ACTR6: variants seen among roughly 807,000 people sequenced by gnomAD.
ACTR6 encodes actin-related protein 6.
A neutral mutation model predicts 52.5 loss-of-function variants in ACTR6; 50 were observed. The observed-to-expected ratio is 0.95, with a 90% CI of 0.76 to 1.20. The LOEUF is 1.20. ACTR6 is among the 50% of genes most tolerant of loss of function. The pLI, the probability that ACTR6 is intolerant of heterozygous loss-of-function variation, is 0.00. For synonymous variants in ACTR6, 135 were observed against 147.2 expected, an observed-to-expected ratio of 0.92 and a Z score of 0.60; for missense variants, 344 against 472.4, an observed-to-expected ratio of 0.73 and a Z score of 2.52.
intron 1 of ACTR6, 83 bp from the exon 2 acceptor site, chr12:100,204,857 T>C (rs774224170): frequency 1.8e-4 from 146 of 829,216 alleles, no homozygotes; most frequent in Non-Finnish European, 1.3e-4. Context: ...CGCTAATCTT[T>C]TGGCATCAAG....
intron 2 of ACTR6, 165 bp from the exon 3 acceptor site, chr12:100,205,511 A>AT: frequency 2.4e-6 from 1 of 416,276 alleles, no homozygotes; most frequent in Non-Finnish European, 4.1e-6. Flanking sequence ...TTTTTTTTAA[A>AT]TTAAAAAAAA....
Position 100,218,504 on chromosome 12 carries a change from A to C in ACTR6, c.840A>C (p.Ile280=), listed in dbSNP as rs779447349. ...ATGAGAGATTTGCTGTTCCGGAAAT[A>C]CTCTTTAATCCTTCTGATATAGGCA... The part of the protein sequence containing the change: ...LANERFAVPE[I]LFNPSDIGIQ... The change falls in exon 9 of 11, where the codon ATA becomes ATC. Residue 280 remains isoleucine, a synonymous_variant. Transcript: ENST00000188312. The surrounding 1 kb of genome is among the most constrained non-coding windows in gnomAD (Gnocchi z 4.2). The C allele has an allele frequency of 8.7e-6, 14 of 1,606,462 alleles. No individual in the cohort carries two copies. The East Asian group carries it at 2.5e-4, about 29-fold the overall frequency.
At chr12:100,210,508 C>T (rs1043496094) in intron 6 of ACTR6, among the ~76,000 whole-genome samples, 157 bp downstream of exon 6, 1 of 151,996 alleles carries the variant, frequency 6.6e-6, no homozygotes, top group Non-Finnish European at 1.5e-5. Context: ...CACTTGAGGC[C>T]AGGAGTTCGA....
At chr12:100,211,734 C>T (rs889249270) in intron 6 of ACTR6, among the ~76,000 whole-genome samples, 3 of 151,972 alleles carry the variant, frequency 2.0e-5, no homozygotes, top group Non-Finnish European at 4.4e-5. Context: ...ATAATTATGG[C>T]CAGGTGCAGT....
intron 3 of ACTR6, 65 bp from the exon 4 acceptor site, chr12:100,207,598 C>T (rs554952127): frequency 2.3e-6 from 3 of 1,300,708 alleles, no homozygotes; most frequent in East Asian, 5.1e-5. Context: ...TTTGTTTGTA[C>T]ATGTAAAACA....
intron 3 of ACTR6, among the ~76,000 whole-genome samples, chr12:100,206,028 A>G (rs762637434): frequency 6.6e-5 from 10 of 152,228 alleles, no homozygotes. Flanking sequence ...ATACATGAAT[A>G]TTACAAGAGG....
intron 6 of ACTR6, 69 bp from the exon 7 acceptor site, chr12:100,212,187 A>C: frequency 1.7e-6 from 2 of 1,169,808 alleles, no homozygotes; most frequent in Non-Finnish European, 2.4e-6. Flanking sequence ...TTCCAGAAAA[A>C]AATTTCAGAT....
At chr12:100,222,414 G>C (rs1467414160) in intron 10 of ACTR6, among the ~76,000 whole-genome samples, 1 of 151,834 alleles carries the variant, frequency 6.6e-6, no homozygotes, top group Non-Finnish European at 1.5e-5. Context: ...GAGCCACCAT[G>C]CCTGGCTAAT....
At chr12:100,201,122 C>A in intron 1 of ACTR6, 1 of 1,348,606 alleles carries the variant, frequency 7.4e-7, no homozygotes, top group Non-Finnish European at 9.8e-7. Flanking sequence ...GCTGCGAGGC[C>A]CCGGAAGTGG....
chr12:100,212,075 T>C (rs1242146922), intron 6 of ACTR6, among the ~76,000 whole-genome samples, 181 bp from the exon 7 acceptor site: 1 of 152,200 alleles, frequency 6.6e-6, no homozygotes, highest in African/African-American at 2.4e-5. Flanking sequence ...CTCAGAGGAA[T>C]AGTGTGGAAA....
At chr12:100,215,074 A>G (rs78207266) in intron 8 of ACTR6, among the ~76,000 whole-genome samples, 2,530 of 152,324 alleles carry the variant, frequency 0.017, 77 homozygotes, top group African/African-American at 0.055. Flanking sequence ...TGATTTCTAC[A>G]GAGATGGATC....
chr12:100,202,711 G>T (rs1427958258), intron 1 of ACTR6, among the ~76,000 whole-genome samples: 1 of 152,064 alleles, frequency 6.6e-6, no homozygotes, highest in African/African-American at 2.4e-5. Flanking sequence ...ACAAAAATTA[G>T]CCGGGCGTAG....
intron 8 of ACTR6, among the ~76,000 whole-genome samples, chr12:100,217,861 G>C (rs968072410): frequency 1.3e-5 from 2 of 152,146 alleles, no homozygotes; most frequent in African/African-American, 4.8e-5. Context: ...AGTGAAAGTA[G>C]ACAGTACTAG....
chr12:100,204,924 G>A lies in ACTR6; in HGVS notation c.69-16G>A, dbSNP rs766529937. The A allele has an allele frequency of 2.7e-6, 4 of 1,507,830 alleles. No homozygotes were observed. Among genetic ancestry groups the A allele is most frequent in the South Asian group, 1.2e-5 (1 of 84,864 alleles). The allele number at this position is 1,507,830 out of a possible 1,614,324, so 93.4% of individuals were successfully genotyped here. ...CTAAATATTTAGGGGATAATTATTT[G>A]TTTCCTTGTTTCTAGGGTTATTCCT... On this transcript the variant is annotated splice_polypyrimidine_tract_variant and intron_variant, in intron 1 of 10. Transcript: ENST00000188312.
At chr12:100,222,163 C>T (rs2096128850) in intron 10 of ACTR6, among the ~76,000 whole-genome samples, 1 of 150,954 alleles carries the variant, frequency 6.6e-6, no homozygotes, top group South Asian at 2.1e-4. Flanking sequence ...CCATGTTGGC[C>T]AGGCGGGTCT....
At position 100,218,529 on chromosome 12, in the gene ACTR6, A is replaced by G. The variant is rs2096125595; in HGVS notation, c.865A>G (p.Ile289Val). Reference sequence around the variant, plus strand: ...ACTCTTTAATCCTTCTGATATAGGCATTCAAGAAATGGGAATTCCAGAAGC... The same window carrying G: ...ACTCTTTAATCCTTCTGATATAGGCGTTCAAGAAATGGGAATTCCAGAAGC... ...EILFNPSDIG[I>V]QEMGIPEAIV... The change falls in exon 9 of 11, where the codon ATT becomes GTT. Residue 289 changes from isoleucine to valine, a missense_variant. Physicochemically the swap from Ile to Val is conservative, Grantham distance 29. Transcript: ENST00000188312. This position sits in a 1 kb window ranked among gnomAD's most constrained non-coding sequence, Gnocchi z 4.2. 1 of 1,582,792 alleles carries G rather than the reference A, an allele frequency of 6.3e-7. No homozygotes were observed. The highest frequency in any genetic ancestry group is 8.6e-7 in the Non-Finnish European group (1 of 1,164,462).
In ACTR6 at chr12:100,200,834, G is replaced by C. The variant is rs761253157; in HGVS notation, c.-18G>C. ...GGAAAGGGAAAACAACTACGGCTGC[G>C]GTGTGGTTGGTGGTGAGATGACGAC... On this transcript the variant is annotated 5_prime_UTR_variant, in exon 1 of 11. Coordinates refer to ENST00000188312, the MANE Select transcript of ACTR6 (RefSeq NM_022496.5). 5.0e-6 allele frequency: 8 copies of C among 1,613,830 alleles called. No individual in the cohort carries two copies. The highest frequency in any genetic ancestry group is 3.3e-4 in the Middle Eastern group (2 of 6,062).
rs117052987 is a variant in ACTR6, at chr12:100,218,729, T to G, written c.922+143T>G. 8,928 of 464,156 alleles carry G rather than the reference T, an allele frequency of 0.019. 127 individuals are homozygous for G. Among genetic ancestry groups the G allele is most frequent in the African/African-American group, 0.039 (1,918 of 49,616 alleles). The allele number at this position is 464,156 out of a possible 1,614,324, so 28.8% of individuals were successfully genotyped here. On this transcript the variant is annotated intron_variant, in intron 9 of 10. Coordinates refer to ENST00000188312, the MANE Select transcript of ACTR6 (RefSeq NM_022496.5). The surrounding 1 kb of genome is among the most constrained non-coding windows in gnomAD (Gnocchi z 4.2). Reference sequence around the variant, plus strand: ...AGAGATTTGTAGATCCCATAATGCATTTATATAATTCTTGATTCATCTTTG... The same window carrying G: ...AGAGATTTGTAGATCCCATAATGCAGTTATATAATTCTTGATTCATCTTTG...
intron 10 of ACTR6, among the ~76,000 whole-genome samples, chr12:100,220,387 G>C (rs2153901149): frequency 1.3e-5 from 2 of 152,256 alleles, no homozygotes; most frequent in Middle Eastern, 6.8e-3. Flanking sequence ...TAAGTATATG[G>C]GGTGATTACT....
Sources: gnomAD v4.1 joint callset for allele counts (sites outside exome capture counted in the v4.1 genomes callset) on GRCh38, gnomAD v4.1.1 for gene constraint, Gnocchi (gnomAD v3.1) non-coding constraint, MANE v1.5 for transcripts, NCBI Gene and HGNC (gene_info 2026-07-23, HGNC 2026-07-21) for gene names.